The following DDX6 variants were observed in gnomAD, a reference collection of about 807,000 sequenced individuals.
DDX6 encodes probable ATP-dependent RNA helicase DDX6.
Under a neutral mutation model 60.6 loss-of-function variants are expected in DDX6, and 7 were observed. The observed-to-expected ratio is 0.12, with a 90% confidence interval of 0.07 to 0.22. The LOEUF (loss-of-function observed/expected upper bound fraction) is 0.22. DDX6 is among the 10% of genes least tolerant of loss of function. DDX6 has a pLI of 1.00. For missense variants in DDX6, 270 were observed against 589.9 expected (o/e 0.46, Z 5.62); for synonymous variants, 207 against 201.0 (o/e 1.03, Z -0.25).
At chr11:118,769,725 GAC>G (rs1252650744) in intron 4 of DDX6, among the ~76,000 whole-genome samples, 1 of 151,512 alleles carries the variant, frequency 6.6e-6, no homozygotes, top group Non-Finnish European at 1.5e-5. Context: ...TTTTTTTTGA[GAC>G]AGAGTCTCGC....
intron 8 of DDX6, chr11:118,759,289 A>C (rs570904306): frequency 3.4e-4 from 54 of 160,712 alleles, no homozygotes; most frequent in Admixed American, 4.5e-4. Flanking sequence ...CGAACTCCTG[A>C]CCTTGTGATC....
chr11:118,749,678 A>G lies in DDX6; in HGVS notation c.*2427T>C, dbSNP rs1390917845. 2.6e-5 allele frequency: 4 copies of G among 152,658 alleles called. No individual in the cohort carries two copies. The South Asian group carries it at 6.2e-4, about 24-fold the overall frequency. The allele number at this position is 152,658 out of a possible 1,614,324, so 9.5% of individuals were successfully genotyped here. On this transcript the variant is annotated 3_prime_UTR_variant, in exon 14 of 14. Transcript: ENST00000534980. ...TCTAGCGAGATACAGAATTGCATTT[A>G]TACTCTTTTCTTCTACATGAATGAT... is the stretch of plus-strand genomic sequence containing the variant.
At chr11:118,775,102 G>T (rs1861654803) in intron 4 of DDX6, among the ~76,000 whole-genome samples, 1 of 152,052 alleles carries the variant, frequency 6.6e-6, no homozygotes, top group African/African-American at 2.4e-5. Flanking sequence ...ATCGCCTGAG[G>T]TCAGGAGTTC....
At chr11:118,760,302 A>C (rs1861121146) in intron 7 of DDX6, among the ~76,000 whole-genome samples, 1 of 152,126 alleles carries the variant, frequency 6.6e-6, no homozygotes, top group African/African-American at 2.4e-5. Context: ...AACAGAATTT[A>C]ATTAATTTAT....
At chr11:118,757,623 T>G (rs547503547) in intron 9 of DDX6, among the ~76,000 whole-genome samples, 7 of 152,128 alleles carry the variant, frequency 4.6e-5, no homozygotes, top group African/African-American at 1.7e-4. Flanking sequence ...GGAGTTTCAC[T>G]CTTGTTGTCC....
intron 4 of DDX6, among the ~76,000 whole-genome samples, chr11:118,769,208 A>T (rs1861454351): frequency 6.6e-6 from 1 of 152,156 alleles, no homozygotes; most frequent in Non-Finnish European, 1.5e-5. Flanking sequence ...CAATTTGACC[A>T]CAGTGAAAAA....
chr11:118,757,590 AT>A (rs1254060662), intron 9 of DDX6, among the ~76,000 whole-genome samples: 2 of 146,312 alleles, frequency 1.4e-5, no homozygotes, highest in Non-Finnish European at 3.1e-5. Flanking sequence ...AAAATATTTT[AT>A]TTTATTTTTT....
intron 1 of DDX6, chr11:118,787,978 C>T (rs1013148400): frequency 1.6e-4 from 24 of 151,004 alleles, no homozygotes; most frequent in African/African-American, 5.8e-4. Context: ...TCCAAGAAAT[C>T]CAGAGTAGTA....
chr11:118,751,085 A>ATATG lies in DDX6; in HGVS notation c.*1019_*1020insCATA, dbSNP rs1860750575. 9.4e-6 allele frequency: 1 copy of ATATG among 106,778 alleles called. No individual in the cohort carries two copies. Among genetic ancestry groups the ATATG allele is most frequent in the Non-Finnish European group, 1.9e-5 (1 of 53,874 alleles). 6.6% of individuals were successfully genotyped at this position (106,778 alleles called of 1,614,324 possible). ...TATATATGTATATATATATATATAT[A>ATATG]TGAACCCAGAAAAAAAACTTATTTA... On this transcript the variant is annotated 3_prime_UTR_variant, in exon 14 of 14. Coordinates refer to ENST00000534980, the MANE Select transcript of DDX6 (RefSeq NM_004397.6).
At chr11:118,791,283 C>T (rs1178545841), upstream of DDX6, 1 of 152,052 alleles carries the variant, frequency 6.6e-6, no homozygotes, top group East Asian at 1.9e-4. Context: ...TCGGCCGCCG[C>T]GGCTATATTC....
At chr11:118,787,122 G>C (rs1412221319) in intron 1 of DDX6, 1 of 152,152 alleles carries the variant, frequency 6.6e-6, no homozygotes, top group Non-Finnish European at 1.5e-5. Context: ...GATCTCTTGA[G>C]GTCAGGAGTT....
intron 7 of DDX6, among the ~76,000 whole-genome samples, chr11:118,761,603 C>A (rs1861168377): frequency 6.7e-6 from 1 of 149,758 alleles, no homozygotes; most frequent in Non-Finnish European, 1.5e-5. Flanking sequence ...GGCAACGAGA[C>A]TCTGTCTCAA....
intron 1 of DDX6, chr11:118,789,642 G>A (rs1862198723): frequency 6.6e-6 from 1 of 152,110 alleles, no homozygotes; most frequent in East Asian, 1.9e-4. Context: ...CTGTATTGAC[G>A]GTTTTATATT....
chr11:118,763,428 G>A, intron 6 of DDX6, 122 bp from the exon 7 acceptor site: 3 of 756,316 alleles, frequency 4.0e-6, no homozygotes, highest in Non-Finnish European at 6.8e-6. Flanking sequence ...ATTGCTATGT[G>A]ATGGTATAGC....
At chr11:118,762,513 G>GA (rs11405951) in intron 7 of DDX6, among the ~76,000 whole-genome samples, 152,250 of 152,250 alleles carry the variant, frequency 1, 76,125 homozygotes, top group Non-Finnish European at 1. Context: ...AAAATCACCT[G>GA]CAACGCCGTA....
Position 118,756,270 on chromosome 11 carries a change from A to C in DDX6, c.1164T>G (p.Leu388=). Residue 388 remains leucine, a synonymous_variant, in exon 11 of 14, where the codon CTT becomes CTG. Transcript: ENST00000534980. ...HDFRNGLCRN[L]VCTDLFTRGI... ...TACAAAAATACTTACCAGTGCAAAC[A>C]AGATTGCGGCATAAGCCATTTCGGA... 4 of 1,613,428 alleles carry C rather than the reference A, an allele frequency of 2.5e-6. No homozygotes were observed. The highest frequency in any genetic ancestry group is 3.4e-6 in the Non-Finnish European group (4 of 1,179,592).
At chr11:118,770,167 C>T (rs919232289) in intron 4 of DDX6, among the ~76,000 whole-genome samples, 6 of 151,600 alleles carry the variant, frequency 4.0e-5, no homozygotes, top group Non-Finnish European at 7.4e-5. Context: ...CTTAGATTAA[C>T]GGCGTGTGCC....
At chr11:118,766,602 CT>C (rs1167704443) in intron 5 of DDX6, among the ~76,000 whole-genome samples, 1 of 151,862 alleles carries the variant, frequency 6.6e-6, no homozygotes. Context: ...TCTTCCTCTT[CT>C]TTTTTTTGAG....
At chr11:118,785,408 T>C (rs565166941) in intron 2 of DDX6, among the ~76,000 whole-genome samples, 2 of 152,130 alleles carry the variant, frequency 1.3e-5, no homozygotes, top group East Asian at 3.9e-4. Flanking sequence ...TCTCATTATG[T>C]TGCCTAGGCT....
Sources: allele counts gnomAD v4.1 joint callset (sites outside exome capture counted in the v4.1 genomes callset), GRCh38; gene constraint gnomAD v4.1.1; transcripts MANE v1.5; gene names NCBI Gene and HGNC (gene_info 2026-07-23, HGNC 2026-07-21).